The following EYA2 variants were observed in gnomAD, a reference collection of about 807,000 sequenced individuals.
EYA2 encodes EYA transcriptional coactivator and phosphatase 2.
Under a neutral mutation model 69.2 loss-of-function variants are expected in EYA2, and 31 were observed. The observed-to-expected ratio is 0.45, with a 90% confidence interval of 0.34 to 0.60. The LOEUF is 0.60. Ranked by LOEUF, EYA2 falls within the 20% of genes least tolerant of loss-of-function variation. The pLI is 0.02. For synonymous variants in EYA2, 257 were observed against 279.4 expected, an observed-to-expected ratio of 0.92 and a Z score of 0.80; for missense variants, 622 against 701.2, an observed-to-expected ratio of 0.89 and a Z score of 1.28.
intron 9 of EYA2, among the ~76,000 whole-genome samples, chr20:47,130,083 A>C (rs1314960966): frequency 6.7e-6 from 1 of 149,588 alleles, no homozygotes; most frequent in Non-Finnish European, 1.5e-5. Flanking sequence ...TCACTGCCTT[A>C]GCTGCCAGTT....
At chr20:46,899,185 A>T (rs751850897) in intron 1 of EYA2, among the ~76,000 whole-genome samples, 4 of 152,236 alleles carry the variant, frequency 2.6e-5, no homozygotes, top group African/African-American at 4.8e-5. Context: ...CTTCTCTGCA[A>T]AGTATGCCTT....
intron 1 of EYA2, among the ~76,000 whole-genome samples, chr20:46,958,904 T>C (rs967500507): frequency 6.6e-6 from 1 of 152,272 alleles, no homozygotes. Flanking sequence ...TAGTATTCCA[T>C]GGTGGATACG....
At chr20:47,098,291 G>A (rs34873917) in intron 9 of EYA2, among the ~76,000 whole-genome samples, 302 of 152,322 alleles carry the variant, frequency 2.0e-3, no homozygotes, top group African/African-American at 6.9e-3. Flanking sequence ...TGAAAACACT[G>A]AAGAATGGGC....
At chr20:46,978,499 G>C in intron 1 of EYA2, 1 of 513,984 alleles carries the variant, frequency 1.9e-6, no homozygotes, top group South Asian at 1.5e-5. Flanking sequence ...TGGCAAGAGG[G>C]AGTGTGGAGC....
intron 5 of EYA2, among the ~76,000 whole-genome samples, chr20:47,064,247 A>G (rs1211574973): frequency 6.6e-6 from 1 of 152,224 alleles, no homozygotes; most frequent in Non-Finnish European, 1.5e-5. Context: ...ATGAGCCACC[A>G]TGCCCAGCCT....
intron 9 of EYA2, among the ~76,000 whole-genome samples, chr20:47,137,444 G>A (rs1315833616): frequency 6.6e-6 from 1 of 152,162 alleles, no homozygotes; most frequent in Non-Finnish European, 1.5e-5. Flanking sequence ...AATCCTCACT[G>A]CAATGTTAGG....
At chr20:47,069,872 A>G (rs1389293566) in intron 5 of EYA2, among the ~76,000 whole-genome samples, 1 of 152,140 alleles carries the variant, frequency 6.6e-6, no homozygotes, top group Non-Finnish European at 1.5e-5. Context: ...GCACATATAT[A>G]TATATGAAAA....
intron 11 of EYA2, among the ~76,000 whole-genome samples, chr20:47,171,001 G>A (rs983655418): frequency 1.3e-5 from 2 of 152,210 alleles, no homozygotes; most frequent in Non-Finnish European, 2.9e-5. Flanking sequence ...TCAGCCATTC[G>A]GAAAATCCCT....
At chr20:47,097,613 C>T (rs1026112084) in intron 9 of EYA2, among the ~76,000 whole-genome samples, 7 of 152,170 alleles carry the variant, frequency 4.6e-5, no homozygotes, top group Admixed American at 4.6e-4. Flanking sequence ...TTGTCAGCTC[C>T]AGTGTGGATC....
intron 9 of EYA2, among the ~76,000 whole-genome samples, chr20:47,121,696 C>A (rs78151211): frequency 0.023 from 3,507 of 152,250 alleles, 133 homozygotes; most frequent in African/African-American, 0.078. Flanking sequence ...AGCACTGGGT[C>A]AGATCCTTTG....
At chr20:47,060,259 G>C (rs1160037525) in intron 5 of EYA2, among the ~76,000 whole-genome samples, 1 of 152,138 alleles carries the variant, frequency 6.6e-6, no homozygotes, top group African/African-American at 2.4e-5. Context: ...GGTTCGTTTG[G>C]CATCTCAATT....
At chr20:47,039,588 C>T (rs947689490) in intron 5 of EYA2, among the ~76,000 whole-genome samples, 1 of 152,176 alleles carries the variant, frequency 6.6e-6, no homozygotes, top group Non-Finnish European at 1.5e-5. Flanking sequence ...CATGCATATA[C>T]CTACAATGGA....
intron 15 of EYA2, among the ~76,000 whole-genome samples, chr20:47,187,751 C>T (rs2034674010): frequency 6.6e-6 from 1 of 152,250 alleles, no homozygotes. Flanking sequence ...CAATTTAACA[C>T]CATGTCAGTG....
chr20:46,899,579 A>C (rs563310841), intron 1 of EYA2, among the ~76,000 whole-genome samples: 107 of 152,370 alleles, frequency 7.0e-4, no homozygotes, highest in African/African-American at 2.5e-3. Context: ...AGTCAAGTTT[A>C]CCGGAAGGTG....
chr20:47,009,897 G>T (rs1036340891), intron 4 of EYA2, among the ~76,000 whole-genome samples: 1 of 152,186 alleles, frequency 6.6e-6, no homozygotes, highest in East Asian at 1.9e-4. Context: ...GCATCTTTTA[G>T]TACACATTCT....
intron 1 of EYA2, among the ~76,000 whole-genome samples, chr20:46,983,444 C>T (rs763080699): frequency 2.0e-5 from 3 of 152,114 alleles, no homozygotes; most frequent in South Asian, 2.1e-4. Flanking sequence ...GGAAGTAATC[C>T]TTTAGGGTCC....
intron 1 of EYA2, among the ~76,000 whole-genome samples, chr20:46,940,878 C>T (rs1333916777): frequency 1.3e-5 from 2 of 152,350 alleles, no homozygotes; most frequent in East Asian, 3.9e-4. Context: ...GGGCAACCCG[C>T]AGAACGGGGC....
At chr20:47,002,873 G>A (rs1385068823) in intron 3 of EYA2, among the ~76,000 whole-genome samples, 1 of 152,180 alleles carries the variant, frequency 6.6e-6, no homozygotes, top group Non-Finnish European at 1.5e-5. Flanking sequence ...TTTGCAGCAG[G>A]TTCCCCCAAA....
intron 5 of EYA2, among the ~76,000 whole-genome samples, chr20:47,035,677 G>A (rs892043988): frequency 6.6e-6 from 1 of 152,066 alleles, no homozygotes; most frequent in South Asian, 2.1e-4. Flanking sequence ...GGGCCGCCAT[G>A]AATTAATGGT....
Sources: allele counts gnomAD v4.1 joint callset (sites outside exome capture counted in the v4.1 genomes callset), GRCh38; gene constraint gnomAD v4.1.1; transcripts MANE v1.5; gene names NCBI Gene and HGNC (gene_info 2026-07-23, HGNC 2026-07-21).